Variants in GSDME observed in about 807,000 individuals in gnomAD.
GSDME encodes gasdermin E, also known as gasdermin-E.
A neutral mutation model predicts 47.5 loss-of-function variants in GSDME; 44 were observed. The observed-to-expected ratio is 0.93, with a 90% CI of 0.73 to 1.19. The LOEUF (loss-of-function observed/expected upper bound fraction) is 1.19. Ranked by LOEUF, GSDME falls within the 50% of genes most tolerant of loss-of-function variation. The pLI, the probability that GSDME is intolerant of heterozygous loss-of-function variation, is 0.00. For synonymous variants in GSDME, 258 were observed against 252.8 expected, an observed-to-expected ratio of 1.02 and a Z score of -0.20; for missense variants, 663 against 604.2, an observed-to-expected ratio of 1.10 and a Z score of -1.02.
chr7:24,749,978 T>C (rs1790804672), intron 1 of GSDME, among the ~76,000 whole-genome samples, 185 bp from the exon 2 acceptor site: 1 of 152,168 alleles, frequency 6.6e-6, no homozygotes, highest in Non-Finnish European at 1.5e-5. Flanking sequence ...TGAAAGAACA[T>C]ATATATACCA....
chr7:24,765,761 T>C, the GSDME span, among the ~76,000 whole-genome samples: 2 of 152,384 alleles, frequency 1.3e-5, no homozygotes, highest in East Asian at 1.9e-4. Flanking sequence ...GTTAGATATC[T>C]ATAATACCCA....
chr7:24,703,852 C>T (rs959792609), intron 8 of GSDME: 1 of 152,218 alleles, frequency 6.6e-6, no homozygotes, highest in Non-Finnish European at 1.5e-5. Context: ...TACCCCAAAG[C>T]AGGAAGGTGA....
chr7:24,716,161 C>T lies in GSDME; in HGVS notation c.697+1093G>A, dbSNP rs531403927. Among the ~76,000 whole-genome samples the T allele has an allele frequency of 1.3e-5, 2 of 152,306 alleles. No individual in the cohort carries two copies. Among genetic ancestry groups the T allele is most frequent in the East Asian group, 1.9e-4 (1 of 5,184 alleles). On this transcript the variant is annotated intron_variant, in intron 5 of 9. Coordinates refer to ENST00000645220, the MANE Select transcript of GSDME (RefSeq NM_001127453.2). The surrounding 1 kb of genome is among the most constrained non-coding windows in gnomAD (Gnocchi z 4.5). ...CAGCAGGCATGTGCGTGGTCTATCA[C>T]GGCCCTTTTAAAAACTGCTGTTACA...
the GSDME span, among the ~76,000 whole-genome samples, chr7:24,775,081 AGT>A: frequency 6.6e-6 from 1 of 152,208 alleles, no homozygotes; most frequent in Non-Finnish European, 1.5e-5. Context: ...TTTCACCCGC[AGT>A]GTTTCATCAA....
In GSDME at chr7:24,705,160, C is replaced by T. The variant is rs1389035450; in HGVS notation, c.1183+1024G>A. On this transcript the variant is annotated intron_variant, in intron 8 of 9. Transcript: ENST00000645220. The surrounding 1 kb of genome is among the most constrained non-coding windows in gnomAD (Gnocchi z 4.1). ...AAGACCTCTCACAAGTCGGAGAACT[C>T]TGGCCTGTGTATTAGCTCCTGACAG... 1 of 152,200 alleles carries T rather than the reference C, an allele frequency of 6.6e-6. No homozygotes were observed. Among genetic ancestry groups the T allele is most frequent in the Admixed American group, 6.5e-5 (1 of 15,282 alleles). The allele number at this position is 152,200 out of a possible 1,614,324, so 9.4% of individuals were successfully genotyped here. A position where few individuals can be genotyped will look rare whatever the true frequency, so the allele number is the denominator to read the frequency against.
At chr7:24,787,560 G>T in the GSDME span, among the ~76,000 whole-genome samples, 1 of 152,010 alleles carries the variant, frequency 6.6e-6, no homozygotes, top group Admixed American at 6.6e-5. This position sits in a 1 kb window ranked among gnomAD's most constrained non-coding sequence, Gnocchi z 5.0. Flanking sequence ...TGCTTATGTC[G>T]ATATACCTTT....
the GSDME span, among the ~76,000 whole-genome samples, chr7:24,767,871 T>A: frequency 2.6e-5 from 4 of 152,202 alleles, no homozygotes; most frequent in Non-Finnish European, 4.4e-5. This position sits in a 1 kb window ranked among gnomAD's most constrained non-coding sequence, Gnocchi z 5.3. Context: ...CGGGCATGTT[T>A]GTGTAATACT....
At chr7:24,763,363 A>G in the GSDME span, among the ~76,000 whole-genome samples, 1 of 151,628 alleles carries the variant, frequency 6.6e-6, no homozygotes, top group Non-Finnish European at 1.5e-5. This position sits in a 1 kb window ranked among gnomAD's most constrained non-coding sequence, Gnocchi z 4.3. Flanking sequence ...AATTGCCCGC[A>G]TCATTACTAT....
Position 24,706,205 on chromosome 7 carries a change from A to G in GSDME, c.1162T>C (p.Phe388Leu), listed in dbSNP as rs770650953. ...GSKQLFMTAY[F>L]LVSALAEMPD... Reference sequence around the variant, plus strand: ...TTACCTGCGAGGGCACTGACCAAGAAGTAGGCTGTCATAAACAGCTGCTTG... The same window carrying G: ...TTACCTGCGAGGGCACTGACCAAGAGGTAGGCTGTCATAAACAGCTGCTTG... Residue 388 changes from phenylalanine to leucine, a missense_variant, in exon 8 of 10, where the codon TTC (phenylalanine) becomes CTC (leucine). By Grantham distance (22) the Phe-to-Leu change is conservative. Coordinates refer to ENST00000645220, the MANE Select transcript of GSDME (RefSeq NM_001127453.2). 6.9e-5 allele frequency: 112 copies of G among 1,614,134 alleles called. No individual in the cohort carries two copies. Among genetic ancestry groups the G allele is most frequent in the Non-Finnish European group, 9.0e-5 (106 of 1,180,056 alleles).
rs1400861437 is a variant in GSDME at position 24,745,061 on chromosome 7, G to T, written c.212-307C>A. Reference sequence around the variant, plus strand: ...GACCACGGGCACACAGTGGACCAGTGACCAGGGCTCCACTAGAAGCTTTTC... The same window carrying T: ...GACCACGGGCACACAGTGGACCAGTTACCAGGGCTCCACTAGAAGCTTTTC... On this transcript the variant is annotated intron_variant, in intron 2 of 9. Coordinates refer to ENST00000645220, the MANE Select transcript of GSDME (RefSeq NM_001127453.2). This position sits in a 1 kb window ranked among gnomAD's most constrained non-coding sequence, Gnocchi z 4.4. Among the ~76,000 whole-genome samples, 1 of 150,914 alleles carries T rather than the reference G, an allele frequency of 6.6e-6. No individual in the cohort carries two copies. The highest frequency in any genetic ancestry group is 1.5e-5 in the Non-Finnish European group (1 of 67,822).
Position 24,714,521 on chromosome 7 carries a change from G to T in GSDME, c.697+2733C>A, listed in dbSNP as rs552751064. On this transcript the variant is annotated intron_variant, in intron 5 of 9. Coordinates refer to ENST00000645220, the MANE Select transcript of GSDME (RefSeq NM_001127453.2). This position sits in a 1 kb window ranked among gnomAD's most constrained non-coding sequence, Gnocchi z 5.0. ...CTGACCACCAAGCCACCATAGGAAG[G>T]AGCCACGGAGCTGCCTCCTAGGCCA... Among the ~76,000 whole-genome samples, 39 of 152,250 alleles carry T rather than the reference G, an allele frequency of 2.6e-4. No individual in the cohort carries two copies. Among genetic ancestry groups the T allele is most frequent in the African/African-American group, 7.2e-5 (3 of 41,552 alleles).
At chr7:24,715,869 G>A (rs115321193) in intron 5 of GSDME, among the ~76,000 whole-genome samples, 68 of 152,230 alleles carry the variant, frequency 4.5e-4, no homozygotes, top group African/African-American at 1.6e-3. Context: ...TCATTTCACC[G>A]CCCTAAAATG....
the GSDME span, among the ~76,000 whole-genome samples, chr7:24,784,855 C>T: frequency 0.038 from 5,766 of 152,066 alleles, 378 homozygotes; most frequent in African/African-American, 0.13. Context: ...CCACCGCGCC[C>T]GGACTGCCTT....
intron 8 of GSDME, 123 bp downstream of exon 8, chr7:24,706,061 G>T (rs1401192390): frequency 8.1e-6 from 10 of 1,233,394 alleles, no homozygotes; most frequent in Middle Eastern, 2.5e-4. Context: ...TGTACCAGAA[G>T]GGAAGGACCT....
At chr7:24,708,678 C>T (rs556493029) in intron 6 of GSDME, among the ~76,000 whole-genome samples, 5 of 152,340 alleles carry the variant, frequency 3.3e-5, no homozygotes, top group Admixed American at 3.3e-4. Context: ...TTATTTTTCA[C>T]GTCCTTTCTT....
chr7:24,699,310 C>A, intron 9 of GSDME, 51 bp from the exon 10 acceptor site: 1 of 1,369,194 alleles, frequency 7.3e-7, no homozygotes, highest in Non-Finnish European at 1.0e-6. Context: ...CTAAAAAATC[C>A]ACATTGGATA....
In GSDME at chr7:24,705,306, C is replaced by T. The variant is rs1789049722; in HGVS notation, c.1183+878G>A. 6.6e-6 allele frequency: 1 copy of T among 152,150 alleles called. No individual in the cohort carries two copies. The highest frequency in any genetic ancestry group is 2.4e-5 in the African/African-American group (1 of 41,418). The allele number at this position is 152,150 out of a possible 1,614,324, so 9.4% of individuals were successfully genotyped here. A position where few individuals can be genotyped will look rare whatever the true frequency, so the allele number is the denominator to read the frequency against. Reference sequence around the variant, plus strand: ...GTTTACCAGTCAAAACTATATTTATCCATGAGTTGGAACAAGACAGAGCAT... The same window carrying T: ...GTTTACCAGTCAAAACTATATTTATTCATGAGTTGGAACAAGACAGAGCAT... On this transcript the variant is annotated intron_variant, in intron 8 of 9. Transcript: ENST00000645220. The surrounding 1 kb of genome is among the most constrained non-coding windows in gnomAD (Gnocchi z 4.1).
chr7:24,780,741 C>T, the GSDME span, among the ~76,000 whole-genome samples: 30 of 152,206 alleles, frequency 2.0e-4, no homozygotes, highest in African/African-American at 4.8e-4. This position sits in a 1 kb window ranked among gnomAD's most constrained non-coding sequence, Gnocchi z 4.1. Context: ...GCATGAACTC[C>T]GCAAGCGGCA....
At chr7:24,794,604 T>C in the GSDME span, among the ~76,000 whole-genome samples, 1 of 152,198 alleles carries the variant, frequency 6.6e-6, no homozygotes. Context: ...TAGGCTTCTT[T>C]CTGATGGCCA....
Sources: gnomAD v4.1 joint callset for allele counts (sites outside exome capture counted in the v4.1 genomes callset) on GRCh38, gnomAD v4.1.1 for gene constraint, Gnocchi (gnomAD v3.1) non-coding constraint, MANE v1.5 for transcripts, NCBI Gene and HGNC (gene_info 2026-07-23, HGNC 2026-07-21) for gene names.